The following SMCHD1 variants were observed in gnomAD, a reference collection of about 807,000 sequenced individuals.
The protein encoded by SMCHD1 is structural maintenance of chromosomes flexible hinge domain containing 1.
A neutral mutation model predicts 254.7 loss-of-function variants in SMCHD1; 78 were observed. That is an observed-to-expected ratio of 0.31 (90% CI 0.26 to 0.37). The LOEUF is 0.37. Among genes scored for constraint, SMCHD1 ranks in the 10% least tolerant of loss-of-function variants. The pLI, the probability that SMCHD1 is intolerant of heterozygous loss-of-function variation, is 1.00. For synonymous variants in SMCHD1, 766 were observed against 794.9 expected (o/e 0.96, Z 0.61); for missense variants, 1,840 against 2,408.1 (o/e 0.76, Z 4.94).
In SMCHD1 at chr18:2,662,461, G is replaced by A. The variant is rs1598277502; in HGVS notation, c.187-3696G>A. On this transcript the variant is annotated intron_variant, in intron 1 of 47. Transcript: ENST00000320876. Reference sequence around the variant, plus strand: ...AGGAGTTTGAGACCAGCTGGCCAACGTGGTGAAACTCTGTCTCTACTAAAA... The same window carrying A: ...AGGAGTTTGAGACCAGCTGGCCAACATGGTGAAACTCTGTCTCTACTAAAA... Among the ~76,000 whole-genome samples the A allele has an allele frequency of 2.6e-5, 4 of 151,486 alleles. No homozygotes were observed. The South Asian group carries it at 6.2e-4, about 24-fold the overall frequency.
At chr18:2,764,512 A>G (rs1412127446) in intron 37 of SMCHD1, among the ~76,000 whole-genome samples, 1 of 152,212 alleles carries the variant, frequency 6.6e-6, no homozygotes. Flanking sequence ...GTTTTTATCA[A>G]CAGTGCTTCC....
chr18:2,674,039 C>T lies in SMCHD1; in HGVS notation c.532C>T (p.Pro178Ser). The change falls in exon 5 of 48, where the codon CCT becomes TCT. Residue 178 changes from proline (P) to serine (S), a missense_variant. By Grantham distance (74) the Pro-to-Ser change is moderately conservative. Transcript: ENST00000320876. ...KLLFDETQGK[P>S]AVAVIDNGRG... ...GCTTTTTGATGAAACACAAGGAAAACCTGCTGTTGCAGTGATAGATAATGG... is the reference window on the plus strand; with the variant it reads ...GCTTTTTGATGAAACACAAGGAAAATCTGCTGTTGCAGTGATAGATAATGG... 1 of 1,594,356 alleles carries T rather than the reference C, an allele frequency of 6.3e-7. No homozygotes were observed. Among genetic ancestry groups the T allele is most frequent in the Non-Finnish European group, 8.5e-7 (1 of 1,169,828 alleles).
At chr18:2,662,192 TAAATAAATAAAGAAAGAAAGAAAGAAAG>T (rs2073296124) in intron 1 of SMCHD1, among the ~76,000 whole-genome samples, 44 of 75,796 alleles carry the variant, frequency 5.8e-4, no homozygotes, top group African/African-American at 4.1e-3. Flanking sequence ...AATAAATAAA[TAAATAAATAAAGAAAGAAAGAAAGAAAG>T]AAAGAAAAAA....
At chr18:2,799,133 GA>G (rs1309990252) in intron 47 of SMCHD1, among the ~76,000 whole-genome samples, 3 of 151,942 alleles carry the variant, frequency 2.0e-5, no homozygotes, top group Non-Finnish European at 4.4e-5. Context: ...AAATTCTCTA[GA>G]AGCCATATTA....
chr18:2,751,527 G>A, intron 33 of SMCHD1, 134 bp downstream of exon 33: 1 of 577,356 alleles, frequency 1.7e-6, no homozygotes, highest in African/African-American at 2.0e-5. Context: ...ATTCCTTTGG[G>A]GTTAAAGAAA....
intron 8 of SMCHD1, among the ~76,000 whole-genome samples, chr18:2,695,643 C>T (rs1047108295): frequency 2.0e-5 from 3 of 152,092 alleles, no homozygotes; most frequent in South Asian, 2.1e-4. Context: ...GTGATACATA[C>T]GATTTACTGT....
rs1180641811 is a variant in SMCHD1 at position 2,761,051 on chromosome 18, G to T, written c.4434+312G>T. The stretch of plus-strand genomic sequence containing the variant: ...AAAGTTGCTTATATCAACCATGCAT[G>T]AAAAATATTAGTAATATTTCACACA... On this transcript the variant is annotated intron_variant, in intron 35 of 47. Coordinates refer to ENST00000320876, the MANE Select transcript of SMCHD1 (RefSeq NM_015295.3). Among the ~76,000 whole-genome samples the T allele has an allele frequency of 3.3e-5, 5 of 152,130 alleles. No homozygotes were observed. In the South Asian group the frequency reaches 1.0e-3, roughly 32 times the overall value.
At position 2,781,902 on chromosome 18, in the gene SMCHD1, A is replaced by T. The variant is rs546794447; in HGVS notation, c.5548-2548A>T. Among the ~76,000 whole-genome samples the T allele has an allele frequency of 2.3e-4, 35 of 152,210 alleles. 1 individual carries two copies. The highest frequency in any genetic ancestry group is 4.4e-4 in the Non-Finnish European group (30 of 68,028). ...CATCTAACCAAAATGTAATCAGAGTATCAAGAGGAGAGCGTTTATAAAAGG... is the reference window on the plus strand; with the variant it reads ...CATCTAACCAAAATGTAATCAGAGTTTCAAGAGGAGAGCGTTTATAAAAGG... On this transcript the variant is annotated intron_variant, in intron 44 of 47. Coordinates refer to ENST00000320876, the MANE Select transcript of SMCHD1 (RefSeq NM_015295.3).
intron 34 of SMCHD1, among the ~76,000 whole-genome samples, chr18:2,755,698 G>T (rs1041847564): frequency 1.3e-5 from 2 of 150,798 alleles, no homozygotes; most frequent in Non-Finnish European, 2.9e-5. Context: ...CTCCGGAGTA[G>T]CTGGGACTAT....
chr18:2,728,606 T>C lies in SMCHD1; in HGVS notation c.2913+10T>C. 1 of 1,608,674 alleles carries C rather than the reference T, an allele frequency of 6.2e-7. No homozygotes were observed. The highest frequency in any genetic ancestry group is 8.5e-7 in the Non-Finnish European group (1 of 1,177,806). ...GATTGTTCATTGTAAGGTAAGCTTATTGGAAGATATTTAGATTGAGTCCCA... is the reference window on the plus strand; with the variant it reads ...GATTGTTCATTGTAAGGTAAGCTTACTGGAAGATATTTAGATTGAGTCCCA... On this transcript the variant is annotated intron_variant, in intron 23 of 47. Transcript: ENST00000320876.
intron 1 of SMCHD1, among the ~76,000 whole-genome samples, chr18:2,662,945 G>A (rs996148755): frequency 1.3e-5 from 2 of 152,100 alleles, no homozygotes; most frequent in African/African-American, 2.4e-5. Context: ...CATATCAGCA[G>A]TGTGTAAGGT....
Position 2,724,884 on chromosome 18 carries a change from AT to A in SMCHD1, c.2604-7del, listed in dbSNP as rs142973168. ...GGCAATTGAGGGGAGTTAAAAAATA[AT>A]TTTTTTTCCCCAGTGGTTTATCTTT... On this transcript the variant is annotated splice_polypyrimidine_tract_variant and intron_variant, in intron 20 of 47. Transcript: ENST00000320876. 81 of 1,501,652 alleles carry A rather than the reference AT, an allele frequency of 5.4e-5. No homozygotes were observed. Among genetic ancestry groups the A allele is most frequent in the South Asian group, 1.9e-4 (15 of 78,870 alleles). The allele number at this position is 1,501,652 out of a possible 1,614,324, so 93.0% of individuals were successfully genotyped here.
intron 28 of SMCHD1, among the ~76,000 whole-genome samples, chr18:2,741,462 T>C (rs1233889771): frequency 2.0e-5 from 3 of 152,170 alleles, no homozygotes; most frequent in African/African-American, 7.2e-5. Context: ...TTTAAAACTT[T>C]TCCTCCTTTG....
chr18:2,788,708 T>C (rs1366631995), intron 45 of SMCHD1, among the ~76,000 whole-genome samples: 1 of 152,082 alleles, frequency 6.6e-6, no homozygotes, highest in Non-Finnish European at 1.5e-5. Flanking sequence ...CAAGTGATTC[T>C]TGTGCTTCAG....
intron 31 of SMCHD1, 103 bp downstream of exon 31, chr18:2,750,225 C>T: frequency 7.1e-7 from 1 of 1,409,340 alleles, no homozygotes; most frequent in Non-Finnish European, 9.7e-7. Context: ...TAATGTTAGG[C>T]AAGAGTTGGG....
At chr18:2,748,342 T>TTGTGTGTGTG (rs1199860810) in intron 30 of SMCHD1, among the ~76,000 whole-genome samples, 954 of 78,390 alleles carry the variant, frequency 0.012, 52 homozygotes, top group African/African-American at 0.05. Flanking sequence ...CTTTGCAAAG[T>TTGTGTGTGTG]TGTGTGTGTG....
intron 31 of SMCHD1, 106 bp from the exon 32 acceptor site, chr18:2,750,244 G>A (rs1352550376): frequency 7.2e-7 from 1 of 1,396,344 alleles, no homozygotes; most frequent in Non-Finnish European, 9.7e-7. Context: ...GGACTGAATA[G>A]AAGTTGAGAG....
chr18:2,793,693 G>A (rs2076211652), intron 45 of SMCHD1, among the ~76,000 whole-genome samples: 1 of 146,586 alleles, frequency 6.8e-6, no homozygotes, highest in Admixed American at 6.9e-5. Flanking sequence ...TTGCTTTAAT[G>A]TGGAATTAGA....
At chr18:2,732,210 G>C in intron 24 of SMCHD1, 55 bp from the exon 25 acceptor site, 2 of 1,334,960 alleles carry the variant, frequency 1.5e-6, no homozygotes, top group Non-Finnish European at 2.1e-6. Context: ...TTCTTCAGGA[G>C]TGTAAAATTT....
Sources: gnomAD v4.1 joint callset for allele counts (sites outside exome capture counted in the v4.1 genomes callset) on GRCh38, gnomAD v4.1.1 for gene constraint, MANE v1.5 for transcripts, NCBI Gene and HGNC (gene_info 2026-07-23, HGNC 2026-07-21) for gene names.